Variants in CNTNAP4 observed in about 807,000 individuals in gnomAD.
CNTNAP4 encodes the protein contactin associated protein family member 4, also known as contactin-associated protein-like 4.
Under a neutral mutation model 148.4 loss-of-function variants are expected in CNTNAP4, and 98 were observed. That is an observed-to-expected ratio of 0.66 (90% confidence interval 0.56 to 0.78). The LOEUF is 0.78. Ranked by LOEUF, CNTNAP4 falls within the 30% of genes least tolerant of loss-of-function variation. The pLI is 0.00. For missense variants in CNTNAP4, 1,935 were observed against 1,565.6 expected (o/e 1.24, Z -3.98); for synonymous variants, 730 against 565.1 (o/e 1.29, Z -4.14).
chr16:76,332,905 G>T (rs1963664362), intron 2 of CNTNAP4, among the ~76,000 whole-genome samples: 2 of 152,106 alleles, frequency 1.3e-5, no homozygotes, highest in Non-Finnish European at 2.9e-5. Context: ...GTGGGAGCAG[G>T]TTAGTGGTAC....
At chr16:76,296,472 T>A (rs879594192) in intron 1 of CNTNAP4, among the ~76,000 whole-genome samples, 1 of 152,206 alleles carries the variant, frequency 6.6e-6, no homozygotes, top group East Asian at 1.9e-4. Context: ...GAGAATTTGG[T>A]AAAATGATAA....
At chr16:76,465,254 C>G (rs1323199243) in intron 9 of CNTNAP4, among the ~76,000 whole-genome samples, 2 of 152,200 alleles carry the variant, frequency 1.3e-5, no homozygotes, top group South Asian at 4.1e-4. Flanking sequence ...ACTTTCATCT[C>G]AAATTGGGCT....
At chr16:76,337,597 T>C (rs1190479333) in intron 2 of CNTNAP4, among the ~76,000 whole-genome samples, 1 of 152,150 alleles carries the variant, frequency 6.6e-6, no homozygotes, top group Non-Finnish European at 1.5e-5. Flanking sequence ...ATGCATTGTA[T>C]TGATAAACAT....
chr16:76,411,686 T>G (rs917924389), intron 3 of CNTNAP4, among the ~76,000 whole-genome samples: 5 of 151,460 alleles, frequency 3.3e-5, no homozygotes, highest in Admixed American at 6.6e-5. Context: ...AAATCTTCTA[T>G]TTTTGCTTTT....
chr16:76,368,104 C>G (rs780079801), intron 3 of CNTNAP4, among the ~76,000 whole-genome samples: 1 of 152,146 alleles, frequency 6.6e-6, no homozygotes, highest in Non-Finnish European at 1.5e-5. Flanking sequence ...CAACCAGGTA[C>G]AGGTTTTTAG....
chr16:76,493,781 T>C lies in CNTNAP4; in HGVS notation c.2081-1129T>C, dbSNP rs566024595. ...TATGCATAACACAGCTTCTAATAAC[T>C]CTTTGCTGGTTTTTTGTTTTTGTTT... On this transcript the variant is annotated intron_variant, in intron 13 of 23. Coordinates refer to ENST00000611870, the MANE Select transcript of CNTNAP4 (RefSeq NM_033401.5). Among the ~76,000 whole-genome samples, 7 of 152,308 alleles carry C rather than the reference T, an allele frequency of 4.6e-5. No homozygotes were observed. In the South Asian group the frequency reaches 1.4e-3, roughly 32 times the overall value.
chr16:76,551,261 A>G (rs2084940646), intron 21 of CNTNAP4, among the ~76,000 whole-genome samples: 1 of 151,926 alleles, frequency 6.6e-6, no homozygotes, highest in Non-Finnish European at 1.5e-5. Flanking sequence ...AAATACAAAA[A>G]ATTTAGCCAG....
At chr16:76,283,471 C>T (rs2018257) in intron 1 of CNTNAP4, among the ~76,000 whole-genome samples, 74,770 of 151,802 alleles carry the variant, frequency 0.49, 20,151 homozygotes, top group African/African-American at 0.73. Flanking sequence ...TGGAATACTA[C>T]GTAGTCACAA....
At position 76,362,758 on chromosome 16, in the gene CNTNAP4, G is replaced by T. The variant is rs116835901; in HGVS notation, c.390+7247G>T. ...ACACCAGAACCTAATTGAGGGTGGA[G>T]GGTGGGAGGAGGGTGAGGATCAAAA... On this transcript the variant is annotated intron_variant, in intron 3 of 23. Coordinates refer to ENST00000611870, the MANE Select transcript of CNTNAP4 (RefSeq NM_033401.5). 9.1e-3 allele frequency among the ~76,000 whole-genome samples: 1,390 copies of T among 152,298 alleles called. 31 individuals are homozygous for T. The highest frequency in any genetic ancestry group is 0.032 in the African/African-American group (1,321 of 41,552).
Position 76,500,643 on chromosome 16 carries a change from TC to T in CNTNAP4, c.2365+1950del, listed in dbSNP as rs2082601677. Among the ~76,000 whole-genome samples, 3 of 145,614 alleles carry T rather than the reference TC, an allele frequency of 2.1e-5. No individual in the cohort carries two copies. The South Asian group carries it at 6.7e-4, about 33-fold the overall frequency. ...GTGTGTGTGTGTGTGTGTGTGTGTG[TC>T]TGTGTGCATTTACTTTAAACCAGTG... On this transcript the variant is annotated intron_variant, in intron 15 of 23. Coordinates refer to ENST00000611870, the MANE Select transcript of CNTNAP4 (RefSeq NM_033401.5).
At chr16:76,400,021 A>T (rs1250619215) in intron 3 of CNTNAP4, among the ~76,000 whole-genome samples, 1 of 152,192 alleles carries the variant, frequency 6.6e-6, no homozygotes, top group African/African-American at 2.4e-5. Context: ...AATCAAATGG[A>T]TTTAGACAGG....
chr16:76,383,414 G>A (rs1485265692), intron 3 of CNTNAP4, among the ~76,000 whole-genome samples: 7 of 143,116 alleles, frequency 4.9e-5, no homozygotes, highest in South Asian at 2.2e-4. Flanking sequence ...AAAAAAAAAC[G>A]TATCATGTAA....
intron 2 of CNTNAP4, among the ~76,000 whole-genome samples, chr16:76,348,614 A>G (rs1051191411): frequency 5.9e-5 from 9 of 152,168 alleles, no homozygotes; most frequent in African/African-American, 1.4e-4. Context: ...AGCAAAGTCT[A>G]TTTGGGCATT....
chr16:76,398,468 A>G (rs994911330), intron 3 of CNTNAP4, among the ~76,000 whole-genome samples: 1 of 152,142 alleles, frequency 6.6e-6, no homozygotes, highest in African/African-American at 2.4e-5. Flanking sequence ...TTTTCCAGCC[A>G]TGGACACTGA....
chr16:76,419,701 A>C (rs559898004), intron 3 of CNTNAP4, among the ~76,000 whole-genome samples: 2 of 152,142 alleles, frequency 1.3e-5, no homozygotes, highest in African/African-American at 4.8e-5. Flanking sequence ...GCTATAACCA[A>C]TACCATAGAC....
chr16:76,421,667 A>G (rs1383482752), intron 3 of CNTNAP4, among the ~76,000 whole-genome samples: 1 of 146,222 alleles, frequency 6.8e-6, no homozygotes, highest in Non-Finnish European at 1.5e-5. Flanking sequence ...TGTTGCTATG[A>G]TTTATTTAGC....
intron 1 of CNTNAP4, among the ~76,000 whole-genome samples, chr16:76,281,373 C>G (rs754133681): frequency 1.3e-5 from 2 of 152,052 alleles, no homozygotes; most frequent in African/African-American, 4.8e-5. Flanking sequence ...TTTCTAATAG[C>G]AATGGTGATT....
intron 3 of CNTNAP4, among the ~76,000 whole-genome samples, chr16:76,374,512 CTT>C (rs1176518269): frequency 2.0e-5 from 3 of 152,142 alleles, no homozygotes; most frequent in East Asian, 1.9e-4. Context: ...CCTTAAAACT[CTT>C]TATGTGAACA....
At chr16:76,286,151 T>C (rs2143782899) in intron 1 of CNTNAP4, among the ~76,000 whole-genome samples, 1 of 149,998 alleles carries the variant, frequency 6.7e-6, no homozygotes, top group Admixed American at 6.7e-5. Context: ...TTAAGGGAAA[T>C]GAGTTGCTGA....
Sources: gnomAD v4.1 joint callset for allele counts (sites outside exome capture counted in the v4.1 genomes callset) on GRCh38, gnomAD v4.1.1 for gene constraint, MANE v1.5 for transcripts, NCBI Gene and HGNC (gene_info 2026-07-23, HGNC 2026-07-21) for gene names.